Variants in CAMTA1 observed in about 807,000 individuals in gnomAD.
CAMTA1 encodes calmodulin binding transcription activator 1.
A neutral mutation model predicts 170.9 loss-of-function variants in CAMTA1; 27 were observed. The ratio of observed to expected loss-of-function variants is 0.16; its 90% CI spans 0.12 to 0.22. The LOEUF is 0.22. CAMTA1 is among the 10% of genes least tolerant of loss of function. CAMTA1 has a pLI of 1.00. For missense variants in CAMTA1, 1,619 were observed against 2,217.2 expected (o/e 0.73, Z 5.42); for synonymous variants, 833 against 891.5 (o/e 0.93, Z 1.17).
At chr1:7,345,256 C>T (rs2149838438) in intron 5 of CAMTA1, among the ~76,000 whole-genome samples, 1 of 152,346 alleles carries the variant, frequency 6.6e-6, no homozygotes, top group Non-Finnish European at 1.5e-5. Flanking sequence ...CAATATTTCA[C>T]AGTTAGCACT....
intron 6 of CAMTA1, among the ~76,000 whole-genome samples, chr1:7,567,654 C>T (rs1262504222): frequency 6.6e-6 from 1 of 152,176 alleles, no homozygotes; most frequent in Non-Finnish European, 1.5e-5. Context: ...CACCCAAGGA[C>T]CTTATGAAAA....
In CAMTA1 at chr1:7,300,771, C is replaced by T. The variant is rs765296681; in HGVS notation, c.438+51145C>T. On this transcript the variant is annotated intron_variant, in intron 5 of 22. Transcript: ENST00000303635. The surrounding 1 kb of genome is among the most constrained non-coding windows in gnomAD (Gnocchi z 4.1). ...CAATGAGAGGAAGTGTCGTGTTGTC[C>T]GTTGGTGACATTTGCAAACTCTCCT... 1.3e-5 allele frequency among the ~76,000 whole-genome samples: 2 copies of T among 152,104 alleles called. No homozygotes were observed. Among genetic ancestry groups the T allele is most frequent in the African/African-American group, 4.8e-5 (2 of 41,404 alleles).
chr1:7,556,175 G>A (rs34681732), intron 6 of CAMTA1, among the ~76,000 whole-genome samples: 67,658 of 151,984 alleles, frequency 0.45, 15,313 homozygotes, highest in Non-Finnish European at 0.47. Context: ...GGCTCTGGGC[G>A]GAGAGGCTGC....
intron 5 of CAMTA1, among the ~76,000 whole-genome samples, chr1:7,410,619 G>A (rs2090642795): frequency 6.6e-6 from 1 of 152,250 alleles, no homozygotes; most frequent in Admixed American, 6.5e-5. Flanking sequence ...ATGACCAGAG[G>A]CTACAGAATT....
chr1:7,098,171 G>A (rs1347042815), intron 4 of CAMTA1, among the ~76,000 whole-genome samples: 4 of 152,194 alleles, frequency 2.6e-5, no homozygotes, highest in Non-Finnish European at 5.9e-5. Context: ...AGGGGGTGCT[G>A]TTGGTGGCCA....
chr1:7,704,249 G>A (rs1163214878), intron 11 of CAMTA1, among the ~76,000 whole-genome samples: 4 of 146,556 alleles, frequency 2.7e-5, no homozygotes, highest in African/African-American at 9.8e-5. Context: ...GGCCCCGACG[G>A]CGCGGGGAGC....
intron 3 of CAMTA1, among the ~76,000 whole-genome samples, chr1:6,989,510 A>G (rs1695955993): frequency 6.6e-6 from 1 of 152,110 alleles, no homozygotes; most frequent in African/African-American, 2.4e-5. Context: ...GCTGTTTTGC[A>G]TATTTCCAGT....
chr1:7,581,736 G>C (rs893376807), intron 6 of CAMTA1, among the ~76,000 whole-genome samples: 1 of 152,248 alleles, frequency 6.6e-6, no homozygotes, highest in Non-Finnish European at 1.5e-5. Context: ...GCACTGGGAG[G>C]CTGCTAGCAT....
chr1:7,208,126 G>A (rs537108874), intron 4 of CAMTA1, among the ~76,000 whole-genome samples: 2 of 152,350 alleles, frequency 1.3e-5, no homozygotes, highest in South Asian at 4.1e-4. Context: ...TGTAGACCGG[G>A]CTTCCGTCAG....
intron 5 of CAMTA1, among the ~76,000 whole-genome samples, chr1:7,277,801 T>C (rs1670963291): frequency 6.6e-6 from 1 of 152,046 alleles, no homozygotes; most frequent in South Asian, 2.1e-4. Context: ...AATAAGGGGT[T>C]ATATCATATA....
intron 3 of CAMTA1, among the ~76,000 whole-genome samples, chr1:6,943,660 A>C (rs1260457291): frequency 6.6e-6 from 1 of 152,062 alleles, no homozygotes; most frequent in Non-Finnish European, 1.5e-5. Context: ...AGCCTGACCA[A>C]CATGGTGAAA....
At chr1:7,030,221 T>A (rs1702598318) in intron 3 of CAMTA1, among the ~76,000 whole-genome samples, 1 of 152,230 alleles carries the variant, frequency 6.6e-6, no homozygotes, top group Admixed American at 6.5e-5. Flanking sequence ...ATAGTATATT[T>A]TTTTGTATAC....
chr1:6,957,804 C>A (rs1689710691), intron 3 of CAMTA1, among the ~76,000 whole-genome samples: 1 of 152,096 alleles, frequency 6.6e-6, no homozygotes, highest in Admixed American at 6.5e-5. Flanking sequence ...ACGTGGACAT[C>A]TTTAGGGGGC....
chr1:7,260,173 G>C (rs1175776939), intron 5 of CAMTA1, among the ~76,000 whole-genome samples: 1 of 152,158 alleles, frequency 6.6e-6, no homozygotes, highest in Admixed American at 6.5e-5. Flanking sequence ...CAGACTGTGG[G>C]CTGGATTTGG....
At position 7,680,610 on chromosome 1, in the gene CAMTA1, G is replaced by A. The variant is rs540464103; in HGVS notation, c.2914+2877G>A. On this transcript the variant is annotated intron_variant, in intron 11 of 22. Coordinates refer to ENST00000303635, the MANE Select transcript of CAMTA1 (RefSeq NM_015215.4). The surrounding 1 kb of genome is among the most constrained non-coding windows in gnomAD (Gnocchi z 4.4). Reference sequence around the variant, plus strand: ...CCTGAGCCCGGCCACCCGCCTCCGAGTGCGCCGCACCGTGCGGCGGGGACC... The same window carrying A: ...CCTGAGCCCGGCCACCCGCCTCCGAATGCGCCGCACCGTGCGGCGGGGACC... Among the ~76,000 whole-genome samples the A allele has an allele frequency of 2.6e-5, 4 of 152,120 alleles. No individual in the cohort carries two copies. Among genetic ancestry groups the A allele is most frequent in the African/African-American group, 9.6e-5 (4 of 41,542 alleles).
chr1:7,601,223 A>G (rs983070716), intron 6 of CAMTA1, among the ~76,000 whole-genome samples: 6 of 151,270 alleles, frequency 4.0e-5, no homozygotes, highest in African/African-American at 1.2e-4. Flanking sequence ...CACTTCCCAG[A>G]CGGGGTGGCT....
chr1:7,312,230 C>T (rs192805488), intron 5 of CAMTA1, among the ~76,000 whole-genome samples: 16 of 152,148 alleles, frequency 1.1e-4, no homozygotes, highest in African/African-American at 3.9e-4. Context: ...TGGTTTTAGG[C>T]ACCTGTGGGC....
At chr1:7,016,636 C>A (rs903248729) in intron 3 of CAMTA1, among the ~76,000 whole-genome samples, 2 of 152,174 alleles carry the variant, frequency 1.3e-5, no homozygotes, top group African/African-American at 4.8e-5. Flanking sequence ...GGATTCAAGA[C>A]CAGCCTGGCT....
chr1:7,447,429 T>TG (rs1415785155), intron 5 of CAMTA1, among the ~76,000 whole-genome samples: 1 of 1,888 alleles, frequency 5.3e-4, no homozygotes, highest in African/African-American at 1.7e-3. Context: ...GGGGGCGGGG[T>TG]GGGGGGTGAG....
Sources: allele counts gnomAD v4.1 joint callset (sites outside exome capture counted in the v4.1 genomes callset), GRCh38; gene constraint gnomAD v4.1.1; non-coding constraint Gnocchi (gnomAD v3.1); transcripts MANE v1.5; gene names NCBI Gene and HGNC (gene_info 2026-07-23, HGNC 2026-07-21).